The following FMNL3 variants were observed in gnomAD, a reference collection of about 807,000 sequenced individuals.
The protein encoded by FMNL3 is formin like 3, also known as formin-like protein 3.
A neutral mutation model predicts 119.6 loss-of-function variants in FMNL3; 57 were observed. That is an observed-to-expected ratio of 0.48 (90% CI 0.39 to 0.59). The LOEUF is 0.59. Ranked by LOEUF, FMNL3 falls within the 20% of genes least tolerant of loss-of-function variation. The pLI is 0.00. For synonymous variants in FMNL3, 491 were observed against 507.3 expected, an observed-to-expected ratio of 0.97 and a Z score of 0.43; for missense variants, 1,053 against 1,323.5, an observed-to-expected ratio of 0.80 and a Z score of 3.17.
Position 49,653,860 on chromosome 12 carries a change from T to C in FMNL3, c.1086A>G (p.Thr362=), listed in dbSNP as rs902647382. The change falls in exon 12 of 26, where the codon ACA becomes ACG. Residue 362 remains threonine (T), a synonymous_variant. Transcript: ENST00000335154. ...TCTGCACCTGCAGCTTCTCGCTCTC[T>C]GTGTGCCTTGACTTCTGGGGGAAGA... ...LEEFLQKSRH[T]ESEKLQVQIQ... The C allele has an allele frequency of 6.2e-7, 1 of 1,614,084 alleles. No homozygotes were observed. Among genetic ancestry groups the C allele is most frequent in the African/African-American group, 1.3e-5 (1 of 74,942 alleles).
rs775235828 is a variant in FMNL3 at position 49,661,951 on chromosome 12, C to T, written c.452+15G>A. ...CCCAACTGGTCCCCAACTTCAGCCCCGGGGTGGTACTCACATGACAGAACA... is the reference window on the plus strand; with the variant it reads ...CCCAACTGGTCCCCAACTTCAGCCCTGGGGTGGTACTCACATGACAGAACA... On this transcript the variant is annotated intron_variant, in intron 5 of 25. Transcript: ENST00000335154. The T allele has an allele frequency of 2.2e-5, 35 of 1,613,210 alleles. No individual in the cohort carries two copies. Among genetic ancestry groups the T allele is most frequent in the Non-Finnish European group, 2.6e-5 (31 of 1,179,308 alleles).
chr12:49,653,899 G>A, intron 11 of FMNL3, 25 bp from the exon 12 acceptor site: 1 of 1,612,446 alleles, frequency 6.2e-7, no homozygotes, highest in Non-Finnish European at 8.5e-7. Context: ...GAGAGTAGGA[G>A]TAGTTGTAGG....
chr12:49,637,012 ACCT>A lies in FMNL3; in HGVS notation c.*8800_*8802del. 4.7e-6 allele frequency: 5 copies of A among 1,068,902 alleles called. No individual in the cohort carries two copies. Among genetic ancestry groups the A allele is most frequent in the Non-Finnish European group, 6.7e-6 (5 of 746,462 alleles). The allele number at this position is 1,068,902 out of a possible 1,614,324, so 66.2% of individuals were successfully genotyped here. A position where few individuals can be genotyped will look rare whatever the true frequency, so the allele number is the denominator to read the frequency against. On this transcript the variant is annotated 3_prime_UTR_variant, in exon 26 of 26. Coordinates refer to ENST00000335154, the MANE Select transcript of FMNL3 (RefSeq NM_175736.5). ...TCTGCCTGCAGTCTGTTTCTGCTGT[ACCT>A]CCTCAATTCTGGACTGTGCTCTTCT...
intron 2 of FMNL3, among the ~76,000 whole-genome samples, chr12:49,667,113 C>T (rs1003391088): frequency 6.6e-6 from 1 of 152,176 alleles, no homozygotes; most frequent in East Asian, 1.9e-4. Flanking sequence ...CCAACCCCTT[C>T]ATCTGACCCA....
intron 1 of FMNL3, among the ~76,000 whole-genome samples, chr12:49,692,117 C>T (rs554423022): frequency 8.0e-5 from 12 of 150,790 alleles, no homozygotes; most frequent in Non-Finnish European, 1.6e-4. Context: ...CTTTCAGAGG[C>T]CAAGGCAGGC....
chr12:49,651,274 G>C lies in FMNL3; in HGVS notation c.1691C>G (p.Pro564Arg), dbSNP rs779227265. Residue 564 changes from proline to arginine, a missense_variant, in exon 16 of 26, where the codon CCT becomes CGT. Coordinates refer to ENST00000335154, the MANE Select transcript of FMNL3 (RefSeq NM_175736.5). ...AGGCAGCCGGAACTTGGTCTTGATA[G>C]GTTTCTTAATTCGAATGGCTAATTT... is the stretch of plus-strand genomic sequence containing the variant. Reference protein sequence around the residue: ...VGLSAIRIKKPIKTKFRLPVF... With the variant: ...VGLSAIRIKKRIKTKFRLPVF... The C allele has an allele frequency of 2.5e-6, 4 of 1,612,508 alleles. No homozygotes were observed. The East Asian group carries it at 8.9e-5, about 36-fold the overall frequency.
chr12:49,654,033 C>G (rs1366781081), intron 11 of FMNL3, among the ~76,000 whole-genome samples, 159 bp from the exon 12 acceptor site: 1 of 152,188 alleles, frequency 6.6e-6, no homozygotes, highest in Non-Finnish European at 1.5e-5. Context: ...AGCTGCCTGA[C>G]TGGGGAGTTA....
chr12:49,662,566 G>A (rs998759584), intron 4 of FMNL3, among the ~76,000 whole-genome samples: 12 of 152,202 alleles, frequency 7.9e-5, no homozygotes, highest in Non-Finnish European at 1.6e-4. Context: ...TAAGTTTAAG[G>A]AGAGGAGTTT....
intron 5 of FMNL3, among the ~76,000 whole-genome samples, 195 bp from the exon 6 acceptor site, chr12:49,658,789 G>A (rs912145289): frequency 1.3e-5 from 2 of 151,918 alleles, no homozygotes; most frequent in African/African-American, 2.4e-5. Context: ...ACAGAACAGC[G>A]GCAGAAGCAG....
At chr12:49,667,060 G>A (rs909240807) in intron 2 of FMNL3, among the ~76,000 whole-genome samples, 4 of 152,002 alleles carry the variant, frequency 2.6e-5, no homozygotes, top group Admixed American at 1.3e-4. Flanking sequence ...GTCATCCCTC[G>A]ATTCCCTTCT....
At chr12:49,673,483 C>A (rs1944100058) in intron 1 of FMNL3, among the ~76,000 whole-genome samples, 1 of 152,236 alleles carries the variant, frequency 6.6e-6, no homozygotes, top group African/African-American at 2.4e-5. Flanking sequence ...GCACAAAGGC[C>A]CATTACTAGC....
Position 49,658,598 on chromosome 12 carries a change from G to C in FMNL3, c.453-4C>G. The stretch of plus-strand genomic sequence containing the variant: ...TTCCAGACCCTCAAAGTCAAACCTG[G>C]AGCATGAAAGGACACACATGCGCAT... On this transcript the variant is annotated splice_polypyrimidine_tract_variant and splice_region_variant and intron_variant, in intron 5 of 25. Coordinates refer to ENST00000335154, the MANE Select transcript of FMNL3 (RefSeq NM_175736.5). The C allele has an allele frequency of 6.2e-7, 1 of 1,602,626 alleles. No homozygotes were observed. The highest frequency in any genetic ancestry group is 8.5e-7 in the Non-Finnish European group (1 of 1,173,946).
chr12:49,682,583 T>C (rs760931601), intron 1 of FMNL3, among the ~76,000 whole-genome samples: 23 of 152,080 alleles, frequency 1.5e-4, no homozygotes, highest in Non-Finnish European at 1.3e-4. Context: ...CTGGTCCCAA[T>C]TGATCCTCCC....
In FMNL3 at chr12:49,642,643, C is replaced by T; in HGVS notation, c.*3172G>A. 7 of 1,614,184 alleles carry T rather than the reference C, an allele frequency of 4.3e-6. No individual in the cohort carries two copies. The highest frequency in any genetic ancestry group is 1.7e-5 in the Admixed American group (1 of 60,030). On this transcript the variant is annotated 3_prime_UTR_variant, in exon 26 of 26. Transcript: ENST00000335154. The surrounding 1 kb of genome is among the most constrained non-coding windows in gnomAD (Gnocchi z 5.8). ...GATCACCCTGGAGTCGGAGCGGATCCGGCTCTTCCGGGAGTTCCTACAGGT... is the reference window on the plus strand; with the variant it reads ...GATCACCCTGGAGTCGGAGCGGATCTGGCTCTTCCGGGAGTTCCTACAGGT...
chr12:49,647,183 A>AC lies in FMNL3; in HGVS notation c.2871+92dup. 6.4e-7 allele frequency: 1 copy of AC among 1,556,848 alleles called. No homozygotes were observed. The highest frequency in any genetic ancestry group is 1.1e-5 in the South Asian group (1 of 88,880). ...CACTGGCCCTCTGGGTGGTCTGTCC[A>AC]CTCCAAGTTTTCATCTCCTCTAGCC... On this transcript the variant is annotated intron_variant, in intron 24 of 25. Transcript: ENST00000335154. The surrounding 1 kb of genome is among the most constrained non-coding windows in gnomAD (Gnocchi z 4.9).
rs1202519367 is a variant in FMNL3 at position 49,656,913 on chromosome 12, G to A, written c.715-14C>T. 2 of 1,611,302 alleles carry A rather than the reference G, an allele frequency of 1.2e-6. No individual in the cohort carries two copies. The highest frequency in any genetic ancestry group is 1.7e-6 in the Non-Finnish European group (2 of 1,177,660). ...GTTGAATCCGTACTGCAAGGGAAAGGACAGAAGGAGGGGACCTTGATGGTG... is the reference window on the plus strand; with the variant it reads ...GTTGAATCCGTACTGCAAGGGAAAGAACAGAAGGAGGGGACCTTGATGGTG... On this transcript the variant is annotated splice_polypyrimidine_tract_variant and intron_variant, in intron 7 of 25. Coordinates refer to ENST00000335154, the MANE Select transcript of FMNL3 (RefSeq NM_175736.5).
chr12:49,697,237 G>A (rs184669655), intron 1 of FMNL3, among the ~76,000 whole-genome samples: 1 of 152,286 alleles, frequency 6.6e-6, no homozygotes, highest in East Asian at 1.9e-4. Context: ...AGAGCCCACA[G>A]TACAGAGGAA....
intron 11 of FMNL3, 106 bp from the exon 12 acceptor site, chr12:49,653,980 A>G (rs1943488661): frequency 6.9e-7 from 1 of 1,439,436 alleles, no homozygotes; most frequent in African/African-American, 1.4e-5. Context: ...CCACTTCCCA[A>G]AGAGTTCCTG....
chr12:49,693,781 T>G (rs1264557041), intron 1 of FMNL3, among the ~76,000 whole-genome samples: 1 of 150,936 alleles, frequency 6.6e-6, no homozygotes, highest in Non-Finnish European at 1.5e-5. Flanking sequence ...CCTGACTAGC[T>G]GGGATTACAG....
Sources: allele counts gnomAD v4.1 joint callset (sites outside exome capture counted in the v4.1 genomes callset), GRCh38; gene constraint gnomAD v4.1.1; non-coding constraint Gnocchi (gnomAD v3.1); transcripts MANE v1.5; gene names NCBI Gene and HGNC (gene_info 2026-07-23, HGNC 2026-07-21).